The following CHL1 variants were observed in gnomAD, a reference collection of about 807,000 sequenced individuals.
CHL1 encodes the protein neural cell adhesion molecule L1-like protein.
Under a neutral mutation model 141.9 loss-of-function variants are expected in CHL1, and 96 were observed. The ratio of observed to expected loss-of-function variants is 0.68; its 90% confidence interval spans 0.57 to 0.80. The LOEUF is 0.80. Among genes scored for constraint, CHL1 ranks in the 30% least tolerant of loss-of-function variants. The probability of loss-of-function intolerance (pLI) is 0.00; values close to 1 mark genes in which losing one functional copy is unlikely to be tolerated. For synonymous variants in CHL1, 613 were observed against 502.2 expected (o/e 1.22, Z -2.95); for missense variants, 1,820 against 1,457.2 (o/e 1.25, Z -4.05).
chr3:257,795 A>G (rs1694317152), intron 2 of CHL1, among the ~76,000 whole-genome samples: 1 of 152,222 alleles, frequency 6.6e-6, no homozygotes. Context: ...AGAACATATT[A>G]AGATATTTTA....
intron 1 of CHL1, among the ~76,000 whole-genome samples, chr3:223,096 C>G (rs970355779): frequency 5.3e-5 from 8 of 152,134 alleles, no homozygotes; most frequent in African/African-American, 1.9e-4. Context: ...AGTCCTATTT[C>G]CAATGTAAGG....
intron 17 of CHL1, 61 bp downstream of exon 17, chr3:382,341 C>T (rs1707152264): frequency 1.3e-6 from 2 of 1,497,182 alleles, no homozygotes; most frequent in East Asian, 4.5e-5. Flanking sequence ...ATAGCGAAGT[C>T]ACTTTTTAAC....
chr3:296,158 T>G (rs955260061), intron 2 of CHL1, among the ~76,000 whole-genome samples: 1 of 152,156 alleles, frequency 6.6e-6, no homozygotes, highest in African/African-American at 2.4e-5. Context: ...GAAACTTCAT[T>G]TTAATATCCC....
At chr3:348,980 C>T (rs1361314872) in intron 9 of CHL1, among the ~76,000 whole-genome samples, 2 of 152,216 alleles carry the variant, frequency 1.3e-5, no homozygotes, top group African/African-American at 4.8e-5. Context: ...TCACTGGCTG[C>T]CCCAAACCAC....
chr3:332,500 T>C (rs1260161577), intron 5 of CHL1, among the ~76,000 whole-genome samples: 1 of 152,202 alleles, frequency 6.6e-6, no homozygotes, highest in Non-Finnish European at 1.5e-5. Flanking sequence ...TGAATGGATT[T>C]CCATTGTGTT....
chr3:233,828 T>A (rs13078683), intron 1 of CHL1, among the ~76,000 whole-genome samples: 2 of 151,828 alleles, frequency 1.3e-5, no homozygotes, highest in Admixed American at 1.3e-4. Flanking sequence ...ATTGGGCACT[T>A]AGGTTGTCAC....
chr3:255,517 A>G (rs1044574461), intron 2 of CHL1, among the ~76,000 whole-genome samples: 8 of 151,502 alleles, frequency 5.3e-5, no homozygotes, highest in Non-Finnish European at 1.2e-4. Flanking sequence ...GTGTGTGTAT[A>G]CATACATACA....
At chr3:235,458 C>T (rs1386933648) in intron 1 of CHL1, among the ~76,000 whole-genome samples, 2 of 152,022 alleles carry the variant, frequency 1.3e-5, no homozygotes, top group African/African-American at 4.8e-5. Flanking sequence ...GAGTGCCTGG[C>T]CTGTAGTTAG....
At chr3:209,681 A>G (rs925736034) in intron 1 of CHL1, among the ~76,000 whole-genome samples, 19 of 152,202 alleles carry the variant, frequency 1.2e-4, no homozygotes, top group Admixed American at 1.1e-3. Flanking sequence ...CGTCGTTTAC[A>G]TTAAGTACAT....
intron 2 of CHL1, among the ~76,000 whole-genome samples, chr3:287,846 A>C (rs331878): frequency 0.081 from 12,306 of 151,940 alleles, 1,723 homozygotes; most frequent in African/African-American, 0.28. Flanking sequence ...GTTCACTGCA[A>C]CCTCCGCCTC....
intron 1 of CHL1, among the ~76,000 whole-genome samples, chr3:232,527 T>G (rs1260664753): frequency 6.6e-6 from 1 of 152,170 alleles, no homozygotes; most frequent in East Asian, 1.9e-4. Flanking sequence ...AAAGAGTCAT[T>G]AGAGTCACTT....
chr3:289,012 C>T (rs1051571729), intron 2 of CHL1, among the ~76,000 whole-genome samples: 4 of 151,952 alleles, frequency 2.6e-5, no homozygotes, highest in Admixed American at 2.0e-4. Flanking sequence ...AACATTTCTT[C>T]CTTTGGAAAA....
At chr3:322,645 A>AATATATATATATATATAT (rs4002786) in intron 3 of CHL1, among the ~76,000 whole-genome samples, 2 of 130,208 alleles carry the variant, frequency 1.5e-5, no homozygotes, top group African/African-American at 3.0e-5. Flanking sequence ...ATATATATAA[A>AATATATATATATATATAT]ATATATATAT....
chr3:345,232 G>T (rs191425961), intron 9 of CHL1, among the ~76,000 whole-genome samples: 2 of 151,858 alleles, frequency 1.3e-5, no homozygotes, highest in East Asian at 3.9e-4. Context: ...TTGGTGCTGA[G>T]TTTTCTCTCT....
intron 1 of CHL1, among the ~76,000 whole-genome samples, chr3:237,788 C>T (rs1237204100): frequency 6.6e-6 from 1 of 151,808 alleles, no homozygotes; most frequent in East Asian, 1.9e-4. Context: ...AATCTGTCTT[C>T]AACTGATATT....
At chr3:330,548 T>C in intron 5 of CHL1, among the ~76,000 whole-genome samples, 1 of 152,150 alleles carries the variant, frequency 6.6e-6, no homozygotes, top group Non-Finnish European at 1.5e-5. Flanking sequence ...AGTGAAAGTA[T>C]CCATATTTAT....
chr3:296,785 A>C (rs1219826314), intron 2 of CHL1, among the ~76,000 whole-genome samples: 1 of 152,218 alleles, frequency 6.6e-6, no homozygotes, highest in Admixed American at 6.5e-5. Flanking sequence ...GTAAGGGGGA[A>C]AATATAGACT....
chr3:394,673 G>T lies in CHL1; in HGVS notation c.2915-20G>T. On this transcript the variant is annotated intron_variant, in intron 23 of 27. Coordinates refer to ENST00000256509, the MANE Select transcript of CHL1 (RefSeq NM_006614.4). ...AATGGTTAAATACATTTGAGCTGTT[G>T]TTCATGTTTATTTTTTTAGTAAATG... 1.9e-6 allele frequency: 3 copies of T among 1,560,176 alleles called. No homozygotes were observed. The highest frequency in any genetic ancestry group is 2.3e-5 in the South Asian group (2 of 87,694).
At position 203,441 on chromosome 3, in the gene CHL1, G is replaced by A. The variant is rs376817673; in HGVS notation, c.-175+6378G>A. On this transcript the variant is annotated intron_variant, in intron 1 of 27. Coordinates refer to ENST00000256509, the MANE Select transcript of CHL1 (RefSeq NM_006614.4). ...GTTCTTGAAAGACATATCTTCGCTGGGTAAAACATGGCTTCCTCTCACCTT... is the reference window on the plus strand; with the variant it reads ...GTTCTTGAAAGACATATCTTCGCTGAGTAAAACATGGCTTCCTCTCACCTT... 1.1e-4 allele frequency among the ~76,000 whole-genome samples: 16 copies of A among 152,274 alleles called. No homozygotes were observed. In the East Asian group the frequency reaches 1.7e-3, roughly 17 times the overall value.
Sources: gnomAD v4.1 joint callset for allele counts (sites outside exome capture counted in the v4.1 genomes callset) on GRCh38, gnomAD v4.1.1 for gene constraint, MANE v1.5 for transcripts, NCBI Gene and HGNC (gene_info 2026-07-23, HGNC 2026-07-21) for gene names.